Variants in CD1B observed in about 807,000 individuals in gnomAD.
CD1B encodes the protein T-cell surface glycoprotein CD1b.
CD1B carries 43 observed loss-of-function variants against 39.8 expected under a neutral mutation model. The observed-to-expected ratio is 1.08, with a 90% CI of 0.85 to 1.39. CD1B has a LOEUF of 1.39. Among genes scored for constraint, CD1B ranks in the 40% most tolerant of loss-of-function variants. The pLI is 0.00. For synonymous variants in CD1B, 192 were observed against 152.5 expected (o/e 1.26, Z -1.91); for missense variants, 495 against 403.8 (o/e 1.23, Z -1.94).
the CD1B span, among the ~76,000 whole-genome samples, chr1:158,305,820 G>C: frequency 3.3e-5 from 5 of 152,158 alleles, no homozygotes; most frequent in Admixed American, 1.3e-4. Context: ...AATTTCATAT[G>C]TAGCCAAACT....
chr1:158,328,921 C>T lies in CD1B; in HGVS notation c.980G>A (p.Arg327Gln), dbSNP rs757815693. The T allele has an allele frequency of 2.0e-5, 32 of 1,596,160 alleles. No homozygotes were observed. Among genetic ancestry groups the T allele is most frequent in the South Asian group, 1.8e-4 (16 of 87,302 alleles). Residue 327 changes from arginine to glutamine, a missense_variant and splice_region_variant, in exon 5 of 6, where the codon CGG becomes CAG. Physicochemically the swap from Arg to Gln is conservative, Grantham distance 43. Transcript: ENST00000368168. ...LCLALWYMRR[R>Q]SYQNIP ...AAAAACAACACCACCCACAACTCAC[C>T]GGCGCCTCATATACCATAATGCAAG...
At chr1:158,296,965 C>G in the CD1B span, among the ~76,000 whole-genome samples, 1 of 152,078 alleles carries the variant, frequency 6.6e-6, no homozygotes. Flanking sequence ...GAGACCAAAC[C>G]TGTACTCACT....
chr1:158,290,521 G>T, the CD1B span, among the ~76,000 whole-genome samples: 1 of 152,190 alleles, frequency 6.6e-6, no homozygotes, highest in Non-Finnish European at 1.5e-5. Context: ...ATAAGATGGA[G>T]CTTAGTGGGA....
the CD1B span, chr1:158,292,517 A>C: frequency 3.3e-6 from 5 of 1,517,436 alleles, no homozygotes; most frequent in African/African-American, 5.5e-5. Context: ...ATAACTGTGC[A>C]TATTCATGTG....
At chr1:158,292,209 T>A in the CD1B span, 7 of 1,614,178 alleles carry the variant, frequency 4.3e-6, no homozygotes, top group Non-Finnish European at 5.9e-6. Flanking sequence ...ATGGGTGCCA[T>A]CTCCAGGCTG....
chr1:158,310,913 C>G, the CD1B span, among the ~76,000 whole-genome samples: 3 of 152,066 alleles, frequency 2.0e-5, no homozygotes, highest in Non-Finnish European at 4.4e-5. Flanking sequence ...GGTGATTTCT[C>G]AAAGAACTTA....
At chr1:158,302,676 T>C in the CD1B span, among the ~76,000 whole-genome samples, 627 of 152,236 alleles carry the variant, frequency 4.1e-3, no homozygotes, top group African/African-American at 0.015. Context: ...ACGTAAACTA[T>C]GAAACCTAGA....
At chr1:158,315,139 C>A in the CD1B span, among the ~76,000 whole-genome samples, 5 of 151,938 alleles carry the variant, frequency 3.3e-5, no homozygotes, top group Admixed American at 3.3e-4. Context: ...GTCTTTATAG[C>A]AGCATGATTT....
the CD1B span, among the ~76,000 whole-genome samples, chr1:158,320,159 G>A: frequency 1.7e-4 from 26 of 152,346 alleles, no homozygotes; most frequent in African/African-American, 6.3e-4. Flanking sequence ...AGGCAGGCAG[G>A]CCTCCTTGAG....
the CD1B span, among the ~76,000 whole-genome samples, chr1:158,290,326 G>A: frequency 6.6e-6 from 1 of 152,148 alleles, no homozygotes; most frequent in South Asian, 2.1e-4. Flanking sequence ...AGTCATTAAT[G>A]TTTCTCTGTG....
At chr1:158,319,417 T>C in the CD1B span, among the ~76,000 whole-genome samples, 1 of 152,236 alleles carries the variant, frequency 6.6e-6, no homozygotes, top group Admixed American at 6.5e-5. Context: ...ATTCATTTCA[T>C]CTTCCATCAA....
chr1:158,309,108 C>G, the CD1B span, among the ~76,000 whole-genome samples: 7 of 152,166 alleles, frequency 4.6e-5, no homozygotes, highest in African/African-American at 9.7e-5. Flanking sequence ...TATCCAGAAT[C>G]TACTATGAAC....
the CD1B span, among the ~76,000 whole-genome samples, chr1:158,288,590 A>C: frequency 6.6e-6 from 1 of 152,146 alleles, no homozygotes; most frequent in South Asian, 2.1e-4. Flanking sequence ...ATGAGGTCTA[A>C]CTTTGTTGCC....
chr1:158,293,184 C>A, the CD1B span: 1 of 1,527,062 alleles, frequency 6.5e-7, no homozygotes, highest in Non-Finnish European at 9.0e-7. Flanking sequence ...TTTAAAATGG[C>A]ATCCATGTAT....
chr1:158,322,763 G>A, the CD1B span, among the ~76,000 whole-genome samples: 9 of 152,108 alleles, frequency 5.9e-5, no homozygotes, highest in South Asian at 1.7e-3. Flanking sequence ...GGACATATTT[G>A]CCAGTTACTT....
At chr1:158,311,689 G>A in the CD1B span, among the ~76,000 whole-genome samples, 4 of 151,974 alleles carry the variant, frequency 2.6e-5, no homozygotes, top group Non-Finnish European at 5.9e-5. Context: ...TGAGATATAG[G>A]GCTCTAGTTT....
the CD1B span, among the ~76,000 whole-genome samples, chr1:158,312,575 T>C: frequency 2.0e-5 from 3 of 152,230 alleles, no homozygotes; most frequent in African/African-American, 7.2e-5. Context: ...TTTTACCTCC[T>C]TTGTTACATT....
At chr1:158,299,386 GC>G in the CD1B span, among the ~76,000 whole-genome samples, 1 of 152,160 alleles carries the variant, frequency 6.6e-6, no homozygotes, top group African/African-American at 2.4e-5. Context: ...TGGTGGATAA[GC>G]TTTTTGATGT....
chr1:158,301,427 G>A, the CD1B span, among the ~76,000 whole-genome samples: 1 of 152,116 alleles, frequency 6.6e-6, no homozygotes, highest in African/African-American at 2.4e-5. Flanking sequence ...GTCTGGTACT[G>A]GTTGTTTCTT....
Sources: allele counts gnomAD v4.1 joint callset (sites outside exome capture counted in the v4.1 genomes callset), GRCh38; gene constraint gnomAD v4.1.1; transcripts MANE v1.5; gene names NCBI Gene and HGNC (gene_info 2026-07-23, HGNC 2026-07-21).